Variants in MGAT4C observed in about 807,000 individuals in gnomAD.
MGAT4C encodes MGAT4 family member C.
A neutral mutation model predicts 40.1 loss-of-function variants in MGAT4C; 19 were observed. That is an observed-to-expected ratio of 0.47 (90% CI 0.33 to 0.70). The LOEUF is 0.70. Ranked by LOEUF, MGAT4C falls within the 30% of genes least tolerant of loss-of-function variation. MGAT4C has a pLI of 0.02. For synonymous variants in MGAT4C, 181 were observed against 187.1 expected, an observed-to-expected ratio of 0.97 and a Z score of 0.27; for missense variants, 491 against 563.2, an observed-to-expected ratio of 0.87 and a Z score of 1.30.
At chr12:86,006,908 A>G (rs918539179) in intron 2 of MGAT4C, among the ~76,000 whole-genome samples, 1 of 152,100 alleles carries the variant, frequency 6.6e-6, no homozygotes, top group Admixed American at 6.6e-5. Context: ...GTCCCCTACT[A>G]CAAAACCCAT....
chr12:86,273,544 TA>T, intron 4 of MGAT4C, among the ~76,000 whole-genome samples: 1 of 152,274 alleles, frequency 6.6e-6, no homozygotes, highest in South Asian at 2.1e-4. Context: ...GCAACATACA[TA>T]ATCTTTAATT....
chr12:85,995,523 G>A (rs889269296), intron 2 of MGAT4C, among the ~76,000 whole-genome samples: 20 of 152,136 alleles, frequency 1.3e-4, no homozygotes, highest in Admixed American at 3.9e-4. Context: ...AAGTTTGTGC[G>A]TCCATCAGCC....
intron 1 of MGAT4C, among the ~76,000 whole-genome samples, chr12:86,128,035 C>T (rs1880571077): frequency 6.6e-6 from 1 of 152,134 alleles, no homozygotes; most frequent in African/African-American, 2.4e-5. Context: ...AAGTATTCTG[C>T]ACTGTACATA....
At chr12:86,485,666 C>A (rs780689924) in intron 2 of MGAT4C, among the ~76,000 whole-genome samples, 1 of 152,052 alleles carries the variant, frequency 6.6e-6, no homozygotes, top group Non-Finnish European at 1.5e-5. Flanking sequence ...AGGATACAAT[C>A]CATGAAAATG....
At chr12:86,779,803 C>T (rs1951807429) in intron 1 of MGAT4C, among the ~76,000 whole-genome samples, 1 of 151,988 alleles carries the variant, frequency 6.6e-6, no homozygotes, top group African/African-American at 2.4e-5. Context: ...GTCCCAGCTA[C>T]TCAGGAGGCT....
intron 1 of MGAT4C, among the ~76,000 whole-genome samples, chr12:86,201,834 T>C (rs891408856): frequency 1.1e-4 from 16 of 152,058 alleles, no homozygotes; most frequent in South Asian, 4.1e-4. Flanking sequence ...CTCCCAGAAA[T>C]GGTTTTAATG....
At chr12:86,164,231 A>T (rs1309370726) in intron 1 of MGAT4C, among the ~76,000 whole-genome samples, 1 of 152,196 alleles carries the variant, frequency 6.6e-6, no homozygotes, top group Non-Finnish European at 1.5e-5. Flanking sequence ...TACCAGGCTG[A>T]AAGATCTGAA....
intron 1 of MGAT4C, among the ~76,000 whole-genome samples, chr12:86,834,167 GATAGATAGAT>G (rs1425970577): frequency 2.2e-5 from 3 of 135,786 alleles, no homozygotes; most frequent in African/African-American, 5.8e-5. Context: ...TATAGATAGA[GATAGATAGAT>G]ATAGATATAG....
At chr12:86,361,036 T>C (rs1001032247) in intron 3 of MGAT4C, among the ~76,000 whole-genome samples, 1 of 68,840 alleles carries the variant, frequency 1.5e-5, no homozygotes, top group Admixed American at 1.5e-4. Context: ...AGGACAATCC[T>C]AAGCCAAAAG....
intron 3 of MGAT4C, among the ~76,000 whole-genome samples, chr12:86,399,819 C>A (rs551740466): frequency 4.9e-4 from 75 of 152,320 alleles, no homozygotes; most frequent in Non-Finnish European, 8.4e-4. Flanking sequence ...CTATATATAA[C>A]TTCACCTGGC....
chr12:86,071,865 T>A (rs1160248734), intron 1 of MGAT4C, among the ~76,000 whole-genome samples: 1 of 152,138 alleles, frequency 6.6e-6, no homozygotes, highest in Admixed American at 6.6e-5. Context: ...GGTATTATTC[T>A]GCCTCTTCAA....
rs554910530 is a variant in MGAT4C at position 85,964,597 on chromosome 12, G to T, written c.*14692C>A. On this transcript the variant is annotated 3_prime_UTR_variant, in exon 5 of 5. Transcript: ENST00000611864. ...ACTGGTAAAGATAACATTATTTAAG[G>T]AAGGTAAGATACTCTTATCCTACAT... The T allele has an allele frequency of 3.9e-4, 59 of 152,214 alleles. No individual in the cohort carries two copies. Among genetic ancestry groups the T allele is most frequent in the African/African-American group, 1.4e-3 (58 of 41,530 alleles). The allele number at this position is 152,214 out of a possible 1,614,324, so 9.4% of individuals were successfully genotyped here. A position where few individuals can be genotyped will look rare whatever the true frequency, so the allele number is the denominator to read the frequency against.
chr12:86,044,400 G>A (rs141689582), intron 2 of MGAT4C, among the ~76,000 whole-genome samples: 60 of 152,260 alleles, frequency 3.9e-4, no homozygotes, highest in Admixed American at 1.3e-3. Context: ...TTCATTGGTC[G>A]GGCTGGGATG....
At chr12:86,765,076 G>A (rs2136158222) in intron 1 of MGAT4C, among the ~76,000 whole-genome samples, 1 of 151,694 alleles carries the variant, frequency 6.6e-6, no homozygotes, top group Admixed American at 6.6e-5. Context: ...CTGAGCTACA[G>A]GAAGAAATTC....
chr12:86,034,571 TG>T (rs149740323), intron 2 of MGAT4C, among the ~76,000 whole-genome samples: 31,757 of 140,430 alleles, frequency 0.23, 5,859 homozygotes, highest in Non-Finnish European at 0.32. Flanking sequence ...TTTTTGTTGT[TG>T]TTTTTTTTAA....
At chr12:86,633,225 C>T (rs1431060170) in intron 2 of MGAT4C, among the ~76,000 whole-genome samples, 1 of 151,816 alleles carries the variant, frequency 6.6e-6, no homozygotes, top group Admixed American at 6.6e-5. Flanking sequence ...CACTTATTTC[C>T]ATTCTAATCT....
chr12:86,560,686 T>A (rs1041001423), intron 2 of MGAT4C, among the ~76,000 whole-genome samples: 4 of 152,092 alleles, frequency 2.6e-5, no homozygotes, highest in African/African-American at 7.2e-5. Flanking sequence ...AATATTATAC[T>A]GAACTGGGAA....
intron 3 of MGAT4C, among the ~76,000 whole-genome samples, chr12:86,389,988 T>C (rs1231570546): frequency 6.6e-6 from 1 of 152,208 alleles, no homozygotes; most frequent in Non-Finnish European, 1.5e-5. Context: ...TTGATTTTGG[T>C]TATGTGCTCC....
At chr12:86,834,680 C>T (rs867430245) in intron 1 of MGAT4C, among the ~76,000 whole-genome samples, 23 of 151,282 alleles carry the variant, frequency 1.5e-4, no homozygotes, top group African/African-American at 5.3e-4. Context: ...ATAACATAGG[C>T]TTTAATCTCC....
Sources: allele counts gnomAD v4.1 joint callset (sites outside exome capture counted in the v4.1 genomes callset), GRCh38; gene constraint gnomAD v4.1.1; transcripts MANE v1.5; gene names NCBI Gene and HGNC (gene_info 2026-07-23, HGNC 2026-07-21).